Variants in GMEB2 observed in about 807,000 individuals in gnomAD.
GMEB2 encodes glucocorticoid modulatory element-binding protein 2.
GMEB2 carries 7 observed loss-of-function variants against 45.7 expected under a neutral mutation model. The observed-to-expected ratio is 0.15, with a 90% confidence interval of 0.09 to 0.29. The LOEUF is 0.29. Among genes scored for constraint, GMEB2 ranks in the 10% least tolerant of loss-of-function variants. The probability of loss-of-function intolerance (pLI) is 1.00; values close to 1 mark genes in which losing one functional copy is unlikely to be tolerated. For synonymous variants in GMEB2, 322 were observed against 323.6 expected, an observed-to-expected ratio of 1.00 and a Z score of 0.05; for missense variants, 582 against 739.2, an observed-to-expected ratio of 0.79 and a Z score of 2.47.
At position 63,588,472 on chromosome 20, in the gene GMEB2, G is replaced by C. The variant is rs2083113661; in HGVS notation, c.*1617C>G. 1 of 328,542 alleles carries C rather than the reference G, an allele frequency of 3.0e-6. No individual in the cohort carries two copies. Among genetic ancestry groups the C allele is most frequent in the South Asian group, 1.6e-4 (1 of 6,392 alleles). The allele number at this position is 328,542 out of a possible 1,614,324, so 20.4% of individuals were successfully genotyped here. ...TGGAAATGAGTTTAAAACGGAGTAT[G>C]TACATCAAAAGATCAACATCACGCC... On this transcript the variant is annotated 3_prime_UTR_variant, in exon 10 of 10. Coordinates refer to ENST00000370077, the MANE Select transcript of GMEB2 (RefSeq NM_012384.5).
chr20:63,603,106 C>T lies in GMEB2; in HGVS notation c.230-14G>A, dbSNP rs747793434. ...CAGCCATCTTCACTTCTCACAGGCA[C>T]ATTGACAGGGAAGGGTAAAAGCAGA... On this transcript the variant is annotated splice_polypyrimidine_tract_variant and intron_variant, in intron 3 of 9. Transcript: ENST00000370077. The T allele has an allele frequency of 6.2e-7, 1 of 1,613,708 alleles. No individual in the cohort carries two copies. The highest frequency in any genetic ancestry group is 1.1e-5 in the South Asian group (1 of 91,060).
intron 4 of GMEB2, among the ~76,000 whole-genome samples, chr20:63,601,189 G>A (rs762092866): frequency 6.6e-5 from 10 of 152,002 alleles, no homozygotes; most frequent in African/African-American, 9.7e-5. Flanking sequence ...TATTTTACTC[G>A]AGTGATGACC....
chr20:63,609,576 C>A lies in GMEB2; in HGVS notation c.132-4736G>T, dbSNP rs1363775334. 1.6e-4 allele frequency among the ~76,000 whole-genome samples: 3 copies of A among 18,292 alleles called. 1 individual carries two copies. Among genetic ancestry groups the A allele is most frequent in the African/African-American group, 3.6e-4 (3 of 8,220 alleles). 12.0% of individuals were successfully genotyped at this position (18,292 alleles called of 152,430 possible). A position where few individuals can be genotyped will look rare whatever the true frequency, so the allele number is the denominator to read the frequency against. ...CCTCACCTCCATTTCTAGAAACATG[C>A]CCCTCTGACCCACCTCCATTTCTAG... is the stretch of plus-strand genomic sequence containing the variant. On this transcript the variant is annotated intron_variant, in intron 2 of 9. Coordinates refer to ENST00000370077, the MANE Select transcript of GMEB2 (RefSeq NM_012384.5).
At chr20:63,616,888 G>A (rs1338991267) in intron 2 of GMEB2, among the ~76,000 whole-genome samples, 1 of 152,104 alleles carries the variant, frequency 6.6e-6, no homozygotes, top group African/African-American at 2.4e-5. Flanking sequence ...TCCCCAGTGT[G>A]ACTGTATTTA....
chr20:63,621,667 CAAAAAAAAAA>C (rs56222018), intron 1 of GMEB2, among the ~76,000 whole-genome samples: 32 of 54,608 alleles, frequency 5.9e-4, no homozygotes, highest in South Asian at 2.6e-3. Flanking sequence ...AACTCCATCT[CAAAAAAAAAA>C]AAAAAAAAAA....
chr20:63,609,445 C>G (rs866172640), intron 2 of GMEB2, among the ~76,000 whole-genome samples: 6 of 93,894 alleles, frequency 6.4e-5, no homozygotes, highest in Non-Finnish European at 1.2e-4. Flanking sequence ...ACATGCCCCT[C>G]TCACCCCACA....
chr20:63,618,881 G>A (rs2089626402), intron 2 of GMEB2, among the ~76,000 whole-genome samples: 1 of 152,162 alleles, frequency 6.6e-6, no homozygotes, highest in Non-Finnish European at 1.5e-5. Flanking sequence ...TCGGACATCT[G>A]GTACAGAGAT....
intron 3 of GMEB2, among the ~76,000 whole-genome samples, chr20:63,603,483 C>A (rs554833129): frequency 6.6e-6 from 1 of 152,212 alleles, no homozygotes; most frequent in Non-Finnish European, 1.5e-5. Flanking sequence ...GTAATCCCAG[C>A]ACTTTGGGAG....
intron 4 of GMEB2, among the ~76,000 whole-genome samples, chr20:63,601,172 T>C (rs903041649): frequency 6.6e-6 from 1 of 152,192 alleles, no homozygotes; most frequent in Non-Finnish European, 1.5e-5. Flanking sequence ...TATAGACTCA[T>C]AGATTTTATT....
chr20:63,621,750 T>C (rs980264019), intron 1 of GMEB2, among the ~76,000 whole-genome samples: 1 of 149,956 alleles, frequency 6.7e-6, no homozygotes, highest in Admixed American at 6.7e-5. Context: ...ATAAAAACAC[T>C]GTAATGCTAC....
intron 2 of GMEB2, among the ~76,000 whole-genome samples, chr20:63,611,082 T>C (rs2089566412): frequency 6.6e-6 from 1 of 152,186 alleles, no homozygotes; most frequent in Non-Finnish European, 1.5e-5. Flanking sequence ...GTCTGCTGCT[T>C]TAAGCCACCA....
At chr20:63,625,336 C>G (rs966049171) in intron 1 of GMEB2, among the ~76,000 whole-genome samples, 4 of 151,930 alleles carry the variant, frequency 2.6e-5, no homozygotes, top group Non-Finnish European at 4.4e-5. Context: ...ACACGCCTAG[C>G]TAATTTTTGC....
intron 2 of GMEB2, among the ~76,000 whole-genome samples, chr20:63,607,746 C>CA (rs778213918): frequency 5.0e-5 from 1 of 19,818 alleles, no homozygotes; most frequent in East Asian, 6.4e-4. Context: ...CCCTCTGACC[C>CA]CACATCCATT....
chr20:63,619,312 T>C lies in GMEB2; in HGVS notation c.86A>G (p.Glu29Gly). ...CGTCACCAACACGGTCTTCACCCCC[T>C]CCACACCACTGCCGTCCACTGCAGT... The part of the protein sequence containing the change: ...PDTAVDGSGV[E>G]GVKTVLVTTN... Residue 29 changes from glutamate (E) to glycine (G), a missense_variant, in exon 2 of 10, where the codon GAG becomes GGG. By Grantham distance (98) the Glu-to-Gly change is moderately conservative. Transcript: ENST00000370077. The surrounding 1 kb of genome is among the most constrained non-coding windows in gnomAD (Gnocchi z 4.6). 6.2e-7 allele frequency: 1 copy of C among 1,612,726 alleles called. No homozygotes were observed. The highest frequency in any genetic ancestry group is 8.5e-7 in the Non-Finnish European group (1 of 1,179,810).
chr20:63,617,607 C>T (rs1321223125), intron 2 of GMEB2, among the ~76,000 whole-genome samples: 1 of 151,936 alleles, frequency 6.6e-6, no homozygotes. Flanking sequence ...GCCGCGGCCA[C>T]GGAGTCACGG....
intron 1 of GMEB2, among the ~76,000 whole-genome samples, chr20:63,625,164 C>T (rs865919028): frequency 1.3e-5 from 2 of 152,148 alleles, no homozygotes; most frequent in South Asian, 2.1e-4. Flanking sequence ...GCACCCCCTC[C>T]TCTCTCCACA....
Position 63,592,275 on chromosome 20 carries a change from G to C in GMEB2, c.830-131C>G. The stretch of plus-strand genomic sequence containing the variant: ...TCGGTGAGAGCCTGGGCTCTTCCTA[G>C]AGAGTGAGAACACCACCACTGAGGC... On this transcript the variant is annotated intron_variant, in intron 8 of 9. Coordinates refer to ENST00000370077, the MANE Select transcript of GMEB2 (RefSeq NM_012384.5). This position sits in a 1 kb window ranked among gnomAD's most constrained non-coding sequence, Gnocchi z 8.2. The C allele has an allele frequency of 1.1e-6, 1 of 870,152 alleles. No individual in the cohort carries two copies. The highest frequency in any genetic ancestry group is 1.7e-5 in the South Asian group (1 of 59,390). The allele number at this position is 870,152 out of a possible 1,614,324, so 53.9% of individuals were successfully genotyped here. A position where few individuals can be genotyped will look rare whatever the true frequency, so the allele number is the denominator to read the frequency against.
rs1244573640 is a variant in GMEB2, at chr20:63,604,850, T to C, written c.132-10A>G. The C allele has an allele frequency of 6.6e-7, 1 of 1,509,954 alleles. No homozygotes were observed. Among genetic ancestry groups the C allele is most frequent in the Non-Finnish European group, 9.2e-7 (1 of 1,084,772 alleles). 93.5% of individuals were successfully genotyped at this position (1,509,954 alleles called of 1,614,324 possible). ...TTCCGTCAGGTCGCCCCTGGTGAAG[T>C]GAAGGGAGGAGAGAATAGAATCAGG... On this transcript the variant is annotated splice_polypyrimidine_tract_variant and intron_variant, in intron 2 of 9. Transcript: ENST00000370077.
rs770200304 is a variant in GMEB2 at position 63,592,177 on chromosome 20, C to T, written c.830-33G>A. 8 of 1,599,398 alleles carry T rather than the reference C, an allele frequency of 5.0e-6. No individual in the cohort carries two copies. The South Asian group carries it at 8.9e-5, about 18-fold the overall frequency. On this transcript the variant is annotated intron_variant, in intron 8 of 9. Transcript: ENST00000370077. The surrounding 1 kb of genome is among the most constrained non-coding windows in gnomAD (Gnocchi z 8.2). ...GGTAACGCGGACACTCAGTGAGAGC[C>T]CAAGCCCTTCCTAGAGAGCCACGCG...
Sources: gnomAD v4.1 joint callset for allele counts (sites outside exome capture counted in the v4.1 genomes callset) on GRCh38, gnomAD v4.1.1 for gene constraint, Gnocchi (gnomAD v3.1) non-coding constraint, MANE v1.5 for transcripts, NCBI Gene and HGNC (gene_info 2026-07-23, HGNC 2026-07-21) for gene names.